HCFC1: variants seen among roughly 807,000 people sequenced by gnomAD.
HCFC1 encodes host cell factor 1.
HCFC1 carries 7 observed loss-of-function variants against 105.5 expected under a neutral mutation model. That is an observed-to-expected ratio of 0.07 (90% CI 0.04 to 0.12). HCFC1 has a LOEUF of 0.12. HCFC1 is among the 10% of genes least tolerant of loss of function. The pLI is 1.00. For synonymous variants in HCFC1, 918 were observed against 828.1 expected (o/e 1.11, Z -1.86); for missense variants, 1,065 against 1,823.6 (o/e 0.58, Z 7.58).
intron 8 of HCFC1, 54 bp from the exon 9 acceptor site, chrX:153,959,545 G>A: frequency 8.5e-7 from 1 of 1,182,412 alleles, no homozygotes; most frequent in Non-Finnish European, 1.1e-6. Context: ...GATGTCCCCA[G>A]CCCCTTTGCA....
chrX:153,953,056 G>C (rs782296444), intron 18 of HCFC1, 98 bp from the exon 19 acceptor site: 1 of 663,418 alleles, frequency 1.5e-6, no homozygotes, highest in Non-Finnish European at 2.4e-6. Context: ...AGTAGTCAGA[G>C]CCCTTGGGGC....
rs2065274421 is a variant in HCFC1 at position 153,948,261 on chromosome X, T to C, written c.*1086A>G. 8.9e-6 allele frequency: 1 copy of C among 111,786 alleles called. No homozygotes were observed. The highest frequency in any genetic ancestry group is 1.9e-5 in the Non-Finnish European group (1 of 53,062). The allele number at this position is 111,786 out of a possible 1,213,427, so 9.2% of individuals were successfully genotyped here. On this transcript the variant is annotated 3_prime_UTR_variant, in exon 26 of 26. Coordinates refer to ENST00000310441, the MANE Select transcript of HCFC1 (RefSeq NM_005334.3). ...TCAAGCTCCCCTAGGCTCGACCCTA[T>C]AGATGCGGAGTGATCGCCCATGAGG... is the stretch of plus-strand genomic sequence containing the variant.
chrX:153,962,961 G>A (rs1557117382), intron 4 of HCFC1, among the ~76,000 whole-genome samples: 2 of 112,247 alleles, frequency 1.8e-5, no homozygotes, highest in Non-Finnish European at 3.8e-5. Flanking sequence ...TTCCATTCTA[G>A]AAAGCCTTAA....
rs781847001 is a variant in HCFC1 at position 153,950,963 on chromosome X, C to T, written c.5553G>A (p.Leu1851=). 2.5e-6 allele frequency: 3 copies of T among 1,211,118 alleles called. No homozygotes were observed. The highest frequency in any genetic ancestry group is 1.8e-5 in the South Asian group (1 of 57,036). The stretch of plus-strand genomic sequence containing the variant: ...TGCCTGGCTGCAGCTCCTGCTTCTT[C>T]AGCTGGTTATAGTCAGGGACGGTGC... ...DLGTVPDYNQ[L]KKQELQPGTA... Residue 1851 remains leucine (L), a synonymous_variant, in exon 23 of 26, where the codon CTG becomes CTA. Transcript: ENST00000310441.
At chrX:153,949,663 G>A (rs2065291181) in intron 24 of HCFC1, 47 bp from the exon 25 acceptor site, 1 of 1,095,323 alleles carries the variant, frequency 9.1e-7, no homozygotes, top group Non-Finnish European at 1.3e-6. Flanking sequence ...GACAGAACGA[G>A]AGCAAGGAAC....
Position 153,954,973 on chromosome X carries a change from G to C in HCFC1, c.3426C>G (p.Gly1142=). Residue 1142 remains glycine, a synonymous_variant, in exon 17 of 26, where the codon GGC becomes GGG. Transcript: ENST00000310441. ...QRDARRACAA[G]TPAVIRISVA... is the part of the protein sequence containing the mutation. ...CACTGATCCGGATCACGGCAGGGGT[G>C]CCAGCTGCACAGGCCCGACGGGCAT... The C allele has an allele frequency of 8.3e-7, 1 of 1,203,308 alleles. No homozygotes were observed. Among genetic ancestry groups the C allele is most frequent in the South Asian group, 1.8e-5 (1 of 56,193 alleles).
At chrX:153,966,332 C>T (rs941071666) in intron 1 of HCFC1, among the ~76,000 whole-genome samples, 9 of 112,898 alleles carry the variant, frequency 8.0e-5, no homozygotes, top group Non-Finnish European at 1.7e-4. Flanking sequence ...GGGTAGGCTT[C>T]GAGCAGGCTG....
chrX:153,971,337 G>T lies in HCFC1; in HGVS notation c.-497C>A, dbSNP rs1415817669. 34 of 297,059 alleles carry T rather than the reference G, an allele frequency of 1.1e-4. No individual in the cohort carries two copies. The highest frequency in any genetic ancestry group is 1.9e-4 in the Non-Finnish European group (32 of 170,321). 24.5% of individuals were successfully genotyped at this position (297,059 alleles called of 1,213,427 possible). On this transcript the variant is annotated 5_prime_UTR_variant, in exon 1 of 26. Transcript: ENST00000310441. ...CCGCGGTCGTCGCAGCCCCGCCGGC[G>T]CTCAGACCACAATTGTGGGAGCCGC...
Position 153,955,503 on chromosome X carries a change from G to C in HCFC1, c.2896C>G (p.Pro966Ala). Residue 966 changes from proline (P) to alanine (A), a missense_variant, in exon 17 of 26, where the codon CCT becomes GCT. Physicochemically the swap from Pro to Ala is conservative, Grantham distance 27. Around this residue, in one of 17 missense-constraint regions of HCFC1, gnomAD observed 546 missense variants for 599.9 expected, o/e 0.91. Transcript: ENST00000310441. ...ACAGGCTGGGCCTCCACCCCACTAGGTGCCGTGATCAGAGTTACCTGGGTG... is the reference window on the plus strand; with the variant it reads ...ACAGGCTGGGCCTCCACCCCACTAGCTGCCGTGATCAGAGTTACCTGGGTG... ...QPTQVTLITAPSGVEAQPVHD... is the reference protein window; with the variant it reads ...QPTQVTLITAASGVEAQPVHD... 8.5e-7 allele frequency: 1 copy of C among 1,180,097 alleles called. No homozygotes were observed. The highest frequency in any genetic ancestry group is 3.0e-5 in the East Asian group (1 of 33,562).
In HCFC1 at chrX:153,959,633, C is replaced by A. The variant is rs2065410320; in HGVS notation, c.1445-142G>T. The A allele has an allele frequency of 3.2e-6, 3 of 950,890 alleles. No individual in the cohort carries two copies. The East Asian group carries it at 9.7e-5, about 31-fold the overall frequency. The allele number at this position is 950,890 out of a possible 1,213,427, so 78.4% of individuals were successfully genotyped here. On this transcript the variant is annotated intron_variant, in intron 8 of 25. Coordinates refer to ENST00000310441, the MANE Select transcript of HCFC1 (RefSeq NM_005334.3). ...TCTGTGCCCTGAGAGTGACCATTTC[C>A]ACAGGTGGGGCCAGGCTTTAGCATC...
intron 6 of HCFC1, 63 bp from the exon 7 acceptor site, chrX:153,960,477 G>A: frequency 1.2e-6 from 1 of 863,017 alleles, no homozygotes; most frequent in Non-Finnish European, 1.6e-6. Context: ...ACCCCTGGTT[G>A]CCCTTGGTTC....
intron 3 of HCFC1, 70 bp from the exon 4 acceptor site, chrX:153,963,503 G>A: frequency 1.4e-6 from 1 of 726,502 alleles, no homozygotes; most frequent in Non-Finnish European, 2.1e-6. Flanking sequence ...ATGGCTATCA[G>A]TGAGTGGCAG....
chrX:153,969,155 A>G (rs1448421843), intron 1 of HCFC1, among the ~76,000 whole-genome samples: 2 of 111,209 alleles, frequency 1.8e-5, no homozygotes, highest in Non-Finnish European at 3.8e-5. Context: ...CCAAGAGCCC[A>G]GCTCCAGCCT....
rs1355170823 is a variant in HCFC1, at chrX:153,971,348, A to C, written c.-508T>G. On this transcript the variant is annotated 5_prime_UTR_variant, in exon 1 of 26. In the 5' UTR this introduces an upstream ATG that the reference lacks. Transcript: ENST00000310441. ...GCAGCCCCGCCGGCGCTCAGACCAC[A>C]ATTGTGGGAGCCGCCATCTTGAGAC... 6.8e-6 allele frequency: 2 copies of C among 295,140 alleles called. No individual in the cohort carries two copies. Among genetic ancestry groups the C allele is most frequent in the African/African-American group, 5.5e-5 (2 of 36,489 alleles). The allele number at this position is 295,140 out of a possible 1,213,427, so 24.3% of individuals were successfully genotyped here.
intron 10 of HCFC1, 58 bp downstream of exon 10, chrX:153,958,511 C>G: frequency 9.4e-7 from 1 of 1,064,782 alleles, no homozygotes; most frequent in Non-Finnish European, 1.3e-6. Flanking sequence ...AACTCTAAAG[C>G]CCGGAGGGAA....
Position 153,951,350 on chromosome X carries a change from G to A in HCFC1, c.5517C>T (p.Asp1839=), listed in dbSNP as rs782063013. ...FLPPDDAVPS[D]DDLGTVPDYN... ...GACATCAGCACCTGGGGACACTTACGTCTGATGGGACAGCATCATCTGGTG... is the reference window on the plus strand; with the variant it reads ...GACATCAGCACCTGGGGACACTTACATCTGATGGGACAGCATCATCTGGTG... Residue 1839 remains aspartate, a splice_region_variant and synonymous_variant, in exon 22 of 26, where the codon GAC becomes GAT. Coordinates refer to ENST00000310441, the MANE Select transcript of HCFC1 (RefSeq NM_005334.3). 6.7e-5 allele frequency: 81 copies of A among 1,209,492 alleles called. No homozygotes were observed. In the South Asian group the frequency reaches 1.3e-3, roughly 19 times the overall value.
In HCFC1 at chrX:153,958,428, C is replaced by A. The variant is rs782541004; in HGVS notation, c.1803+141G>T. ...TTAACAGGCAAGGGAGGAGGCTGAG[C>A]CTGCAGCTCTCACCTGAGGCCATGA... is the stretch of plus-strand genomic sequence containing the variant. On this transcript the variant is annotated intron_variant, in intron 10 of 25. Coordinates refer to ENST00000310441, the MANE Select transcript of HCFC1 (RefSeq NM_005334.3). 2.1e-4 allele frequency: 141 copies of A among 685,456 alleles called. No individual in the cohort carries two copies. In the East Asian group the frequency reaches 4.5e-3, roughly 22 times the overall value. The allele number at this position is 685,456 out of a possible 1,213,427, so 56.5% of individuals were successfully genotyped here.
At chrX:153,969,339 A>T (rs2065502888) in intron 1 of HCFC1, 1 of 110,322 alleles carries the variant, frequency 9.1e-6, no homozygotes, top group Non-Finnish European at 1.9e-5. Flanking sequence ...GGATCGCTAG[A>T]GCCCCCAGGA....
intron 23 of HCFC1, 74 bp downstream of exon 23, chrX:153,950,739 C>A (rs375884524): frequency 1.2e-4 from 130 of 1,050,029 alleles, no homozygotes; most frequent in Middle Eastern, 1.1e-3. Flanking sequence ...CCTATGCCCC[C>A]CCCCGGCCAC....
Sources: gnomAD v4.1 joint callset for allele counts (sites outside exome capture counted in the v4.1 genomes callset) on GRCh38, gnomAD v4.1.1 for gene constraint, gnomAD v4.1.1 regional missense constraint, MANE v1.5 for transcripts, NCBI Gene and HGNC (gene_info 2026-07-23, HGNC 2026-07-21) for gene names.